The following SPOCK1 variants were observed in gnomAD, a reference collection of about 807,000 sequenced individuals.
SPOCK1 encodes SPARC (osteonectin), cwcv and kazal like domains proteoglycan 1.
A neutral mutation model predicts 55.3 loss-of-function variants in SPOCK1; 23 were observed. That is an observed-to-expected ratio of 0.42 (90% confidence interval 0.30 to 0.59). The LOEUF is 0.59. Ranked by LOEUF, SPOCK1 falls within the 20% of genes least tolerant of loss-of-function variation. The probability of loss-of-function intolerance (pLI) is 0.22; values close to 1 mark genes in which losing one functional copy is unlikely to be tolerated. For synonymous variants in SPOCK1, 226 were observed against 221.0 expected (o/e 1.02, Z -0.20); for missense variants, 499 against 552.5 (o/e 0.90, Z 0.97).
At chr5:137,390,414 C>T (rs1751693455) in intron 2 of SPOCK1, among the ~76,000 whole-genome samples, 1 of 152,192 alleles carries the variant, frequency 6.6e-6, no homozygotes, top group Admixed American at 6.5e-5. Flanking sequence ...AATTTGACCA[C>T]ATCTGCCTTT....
chr5:137,118,197 C>T (rs188389407), intron 4 of SPOCK1, among the ~76,000 whole-genome samples: 1 of 152,324 alleles, frequency 6.6e-6, no homozygotes, highest in East Asian at 1.9e-4. Flanking sequence ...TGGAACCCCA[C>T]TCAGAGGATT....
In SPOCK1 at chr5:137,028,390, AG is replaced by A. The variant is rs201766382; in HGVS notation, c.590-35791del. On this transcript the variant is annotated intron_variant, in intron 6 of 10. Coordinates refer to ENST00000394945, the MANE Select transcript of SPOCK1 (RefSeq NM_004598.4). ...CTGGCAGAGAAGGTTCACTGGAAAA[AG>A]GTATTATCCAGCACAGCAACACAGG... Among the ~76,000 whole-genome samples, 58 of 152,308 alleles carry A rather than the reference AG, an allele frequency of 3.8e-4. No homozygotes were observed. In the East Asian group the frequency reaches 0.011, roughly 29 times the overall value.
chr5:137,343,530 C>T (rs1410360245), intron 2 of SPOCK1, among the ~76,000 whole-genome samples: 2 of 152,210 alleles, frequency 1.3e-5, no homozygotes, highest in Non-Finnish European at 2.9e-5. Context: ...AAATCAAGCA[C>T]CTCACTGCTT....
chr5:137,107,549 T>C (rs1319016601), intron 5 of SPOCK1, among the ~76,000 whole-genome samples: 1 of 152,208 alleles, frequency 6.6e-6, no homozygotes, highest in Non-Finnish European at 1.5e-5. Context: ...CCATGTAACA[T>C]CTTACATCCC....
intron 2 of SPOCK1, among the ~76,000 whole-genome samples, chr5:137,450,526 C>T (rs1004492967): frequency 5.9e-5 from 9 of 152,146 alleles, no homozygotes; most frequent in Admixed American, 1.3e-4. Context: ...GTGTGACCTG[C>T]GCATTCACAT....
At chr5:137,419,499 C>T (rs899225377) in intron 2 of SPOCK1, among the ~76,000 whole-genome samples, 19 of 152,138 alleles carry the variant, frequency 1.2e-4, no homozygotes, top group African/African-American at 3.9e-4. Flanking sequence ...TGTAGTTCTC[C>T]TTGAAGAGGT....
intron 3 of SPOCK1, among the ~76,000 whole-genome samples, chr5:137,202,180 T>A (rs1335526061): frequency 1.3e-5 from 2 of 152,142 alleles, no homozygotes; most frequent in Non-Finnish European, 2.9e-5. Context: ...CCCAGACTCA[T>A]GTAGCTGTAG....
chr5:137,345,653 T>C (rs899331969), intron 2 of SPOCK1, among the ~76,000 whole-genome samples: 8 of 152,212 alleles, frequency 5.3e-5, no homozygotes, highest in Non-Finnish European at 1.0e-4. Flanking sequence ...ATGTGGTCCC[T>C]ATAAAAAATC....
Position 137,405,649 on chromosome 5 carries a change from A to T in SPOCK1, c.186+92724T>A, listed in dbSNP as rs1026934163. 4.4e-4 allele frequency among the ~76,000 whole-genome samples: 67 copies of T among 152,258 alleles called. 1 individual carries two copies. The highest frequency in any genetic ancestry group is 3.4e-3 in the Middle Eastern group (1 of 294). ...CAGATCGCCCCCAGCTACACAAGTG[A>T]GAGGTACCAAGAAGAACAAACCCAC... is the stretch of plus-strand genomic sequence containing the variant. On this transcript the variant is annotated intron_variant, in intron 2 of 10. Transcript: ENST00000394945.
At chr5:137,219,646 T>G (rs1245868532) in intron 3 of SPOCK1, among the ~76,000 whole-genome samples, 1 of 152,146 alleles carries the variant, frequency 6.6e-6, no homozygotes, top group South Asian at 2.1e-4. Context: ...AACACACAGA[T>G]GTGTGAAGAA....
At chr5:137,372,450 T>G (rs1380848604) in intron 2 of SPOCK1, among the ~76,000 whole-genome samples, 1 of 152,192 alleles carries the variant, frequency 6.6e-6, no homozygotes, top group Non-Finnish European at 1.5e-5. Context: ...CACTGTAACT[T>G]TTAAAGAAAA....
chr5:137,456,904 A>C (rs988246053), intron 2 of SPOCK1, among the ~76,000 whole-genome samples: 6 of 152,232 alleles, frequency 3.9e-5, no homozygotes, highest in African/African-American at 1.4e-4. Flanking sequence ...GTTAATACAC[A>C]CTACCAACTA....
intron 5 of SPOCK1, among the ~76,000 whole-genome samples, chr5:137,106,794 C>T (rs1255831792): frequency 6.6e-6 from 1 of 152,112 alleles, no homozygotes; most frequent in African/African-American, 2.4e-5. Context: ...AGGCAAAGTC[C>T]AAACCCCTTC....
At chr5:137,091,989 A>G (rs1753061758) in intron 5 of SPOCK1, among the ~76,000 whole-genome samples, 1 of 152,072 alleles carries the variant, frequency 6.6e-6, no homozygotes, top group Non-Finnish European at 1.5e-5. Context: ...TTTCCCGTCA[A>G]GTCCCTCAGT....
At chr5:137,118,506 G>T (rs12188537) in intron 4 of SPOCK1, among the ~76,000 whole-genome samples, 28,931 of 152,114 alleles carry the variant, frequency 0.19, 3,401 homozygotes, top group East Asian at 0.38. Flanking sequence ...CCCCACAGGG[G>T]ACACCAAGGG....
chr5:137,019,523 T>C (rs1312681220), intron 6 of SPOCK1, among the ~76,000 whole-genome samples: 1 of 152,106 alleles, frequency 6.6e-6, no homozygotes, highest in African/African-American at 2.4e-5. Flanking sequence ...TTGTCAAATA[T>C]GTAGGTTTTT....
chr5:137,343,465 G>A (rs1216168077), intron 2 of SPOCK1, among the ~76,000 whole-genome samples: 2 of 152,168 alleles, frequency 1.3e-5, no homozygotes, highest in Non-Finnish European at 2.9e-5. Context: ...AGGGCCCCAA[G>A]AAGGGCAGAC....
chr5:137,357,223 C>T (rs77679256), intron 2 of SPOCK1, among the ~76,000 whole-genome samples: 5,161 of 152,202 alleles, frequency 0.034, 161 homozygotes, highest in African/African-American at 0.089. Context: ...CTTCTTAGGC[C>T]ACCGTGCTAA....
chr5:137,206,572 C>T (rs573564454), intron 3 of SPOCK1, among the ~76,000 whole-genome samples: 11 of 152,218 alleles, frequency 7.2e-5, no homozygotes, highest in Non-Finnish European at 1.5e-4. Flanking sequence ...CTTGCCCCAC[C>T]GTGTGTCTGT....
Sources: allele counts gnomAD v4.1 joint callset (sites outside exome capture counted in the v4.1 genomes callset), GRCh38; gene constraint gnomAD v4.1.1; transcripts MANE v1.5; gene names NCBI Gene and HGNC (gene_info 2026-07-23, HGNC 2026-07-21).